Variants in SLITRK3 observed in about 807,000 individuals in gnomAD.
The protein encoded by SLITRK3 is SLIT and NTRK like family member 3.
SLITRK3 carries 16 observed loss-of-function variants against 63.6 expected under a neutral mutation model. The ratio of observed to expected loss-of-function variants is 0.25; its 90% confidence interval spans 0.17 to 0.38. SLITRK3 has a LOEUF of 0.38. Among genes scored for constraint, SLITRK3 ranks in the 10% least tolerant of loss-of-function variants. SLITRK3 has a pLI of 1.00. For missense variants in SLITRK3, 1,117 were observed against 1,181.4 expected (o/e 0.95, Z 0.80); for synonymous variants, 547 against 451.6 (o/e 1.21, Z -2.68).
At position 165,188,517 on chromosome 3, in the gene SLITRK3, C is replaced by A; in HGVS notation, c.2314G>T (p.Ala772Ser). 1 of 1,614,066 alleles carries A rather than the reference C, an allele frequency of 6.2e-7. No homozygotes were observed. Among genetic ancestry groups the A allele is most frequent in the Non-Finnish European group, 8.5e-7 (1 of 1,180,014 alleles). ...EEVAVSSAQEAGSAERGGPGT... is the reference protein window; with the variant it reads ...EEVAVSSAQESGSAERGGPGT... Reference sequence around the variant, plus strand: ...GGACCCCCACGTTCTGCACTCCCTGCTTCTTGGGCTGATGAAACAGCCACC... The same window carrying A: ...GGACCCCCACGTTCTGCACTCCCTGATTCTTGGGCTGATGAAACAGCCACC... Residue 772 changes from alanine (A) to serine (S), a missense_variant, in exon 2 of 2, where the codon GCA becomes TCA. Ala to Ser is a moderately conservative substitution (Grantham distance 99). Around this residue, in one of 4 missense-constraint regions of SLITRK3, gnomAD observed 499 missense variants for 463.6 expected, o/e 1.08. Coordinates refer to ENST00000475390, the MANE Select transcript of SLITRK3 (RefSeq NM_001318810.2).
chr3:165,196,068 T>G lies in SLITRK3; in HGVS notation c.-510A>C, dbSNP rs1322886244. The G allele has an allele frequency of 2.6e-5, 4 of 152,618 alleles. No individual in the cohort carries two copies. The highest frequency in any genetic ancestry group is 9.7e-5 in the African/African-American group (4 of 41,398). 9.5% of individuals were successfully genotyped at this position (152,618 alleles called of 1,614,324 possible). On this transcript the variant is annotated 5_prime_UTR_variant, in exon 1 of 2. An upstream start codon of the reference 5' UTR is lost. Transcript: ENST00000475390. ...AATCCCTGCCCGAGGCCTCCTTCCA[T>G]CCGAGAAGATGGAATTAGCCCTTGC... is the stretch of plus-strand genomic sequence containing the variant.
In SLITRK3 at chr3:165,190,111, A is replaced by T. The variant is rs757998983; in HGVS notation, c.720T>A (p.Ile240=). 1 of 1,614,048 alleles carries T rather than the reference A, an allele frequency of 6.2e-7. No homozygotes were observed. The highest frequency in any genetic ancestry group is 1.3e-5 in the African/African-American group (1 of 74,908). ...GTTCCAGCCAACTCTTCAGTTGTACAATTTCACATGTACAGTTCCAAGGGT... is the reference window on the plus strand; with the variant it reads ...GTTCCAGCCAACTCTTCAGTTGTACTATTTCACATGTACAGTTCCAAGGGT... ...EENPWNCTCE[I]VQLKSWLERI... Residue 240 remains isoleucine, a synonymous_variant, in exon 2 of 2, where the codon ATT becomes ATA. Transcript: ENST00000475390.
rs962138227 is a variant in SLITRK3 at position 165,187,768 on chromosome 3, T to G, written c.*129A>C. Reference sequence around the variant, plus strand: ...CTCTAGTTATCATGCGGTTTTAGTTTTGTTCAGGGTAGGAAAGATCGTGAG... The same window carrying G: ...CTCTAGTTATCATGCGGTTTTAGTTGTGTTCAGGGTAGGAAAGATCGTGAG... On this transcript the variant is annotated 3_prime_UTR_variant, in exon 2 of 2. Coordinates refer to ENST00000475390, the MANE Select transcript of SLITRK3 (RefSeq NM_001318810.2). 5.5e-6 allele frequency: 4 copies of G among 731,690 alleles called. No homozygotes were observed. Among genetic ancestry groups the G allele is most frequent in the Non-Finnish European group, 8.8e-6 (4 of 453,534 alleles). 45.3% of individuals were successfully genotyped at this position (731,690 alleles called of 1,614,324 possible).
Position 165,189,494 on chromosome 3 carries a change from T to A in SLITRK3, c.1337A>T (p.Tyr446Phe). The change falls in exon 2 of 2, where the codon TAT becomes TTT. Residue 446 changes from tyrosine to phenylalanine, a missense_variant. Tyr to Phe is a conservative substitution (Grantham distance 22, BLOSUM62 3). Transcript: ENST00000475390. This position sits in a 1 kb window ranked among gnomAD's most constrained non-coding sequence, Gnocchi z 4.0. ...LLHLGNNRIS[Y>F]VQDGAFINLP... The stretch of plus-strand genomic sequence containing the variant: ...GTTGATAAAGGCCCCATCTTGGACA[T>A]AGGAAATACGATTGTTCCCCAGATG... The A allele has an allele frequency of 6.2e-7, 1 of 1,613,748 alleles. No homozygotes were observed. Among genetic ancestry groups the A allele is most frequent in the East Asian group, 2.2e-5 (1 of 44,876 alleles).
chr3:165,196,970 C>A, upstream of SLITRK3: 1 of 151,526 alleles, frequency 6.6e-6, no homozygotes, highest in Non-Finnish European at 1.5e-5. Context: ...CTCGCTCTCG[C>A]TCTCGCTCTC....
chr3:165,196,854 G>C (rs919907925), upstream of SLITRK3: 5 of 135,306 alleles, frequency 3.7e-5, no homozygotes, highest in Non-Finnish European at 6.4e-5. Flanking sequence ...TCCCGGCTTA[G>C]GAAGCAAGGA....
rs1718055891 is a variant in SLITRK3, at chr3:165,188,617, A to G, written c.2214T>C (p.His738=). 6.2e-7 allele frequency: 1 copy of G among 1,613,726 alleles called. No homozygotes were observed. Among genetic ancestry groups the G allele is most frequent in the Non-Finnish European group, 8.5e-7 (1 of 1,179,926 alleles). ...SSPEKAPPVG[H]VYEYIPHPVT... Reference sequence around the variant, plus strand: ...CCGGGTGGGGGATGTACTCATACACATGACCCACGGGAGGGGCCTTCTCTG... The same window carrying G: ...CCGGGTGGGGGATGTACTCATACACGTGACCCACGGGAGGGGCCTTCTCTG... The change falls in exon 2 of 2, where the codon CAT becomes CAC. Residue 738 remains histidine (H), a synonymous_variant. Coordinates refer to ENST00000475390, the MANE Select transcript of SLITRK3 (RefSeq NM_001318810.2).
chr3:165,189,703 C>T lies in SLITRK3; in HGVS notation c.1128G>A (p.Gly376=). The T allele has an allele frequency of 6.2e-7, 1 of 1,614,090 alleles. No homozygotes were observed. Among genetic ancestry groups the T allele is most frequent in the Non-Finnish European group, 8.5e-7 (1 of 1,180,018 alleles). ...RPPIPIICPT[G]CTCNLHINDL... ...CATTGATGTGCAAATTACAGGTACA[C>T]CCAGTGGGGCATATAATGGGGATTG... The change falls in exon 2 of 2, where the codon GGG becomes GGA. Residue 376 remains glycine, a synonymous_variant. Transcript: ENST00000475390. This position sits in a 1 kb window ranked among gnomAD's most constrained non-coding sequence, Gnocchi z 4.0.
In SLITRK3 at chr3:165,189,741, G is replaced by C; in HGVS notation, c.1090C>G (p.Gln364Glu). The C allele has an allele frequency of 6.2e-7, 1 of 1,614,184 alleles. No homozygotes were observed. The highest frequency in any genetic ancestry group is 8.5e-7 in the Non-Finnish European group (1 of 1,180,026). Reference protein sequence around the residue: ...GPNQPPIAPYQTRPPIPIICP... With the variant: ...GPNQPPIAPYETRPPIPIICP... ...ATAATGGGGATTGGTGGTCTGGTCT[G>C]ATAAGGAGCAATGGGAGGCTGGTTT... The change falls in exon 2 of 2, where the codon CAG (glutamine) becomes GAG (glutamate). Residue 364 changes from glutamine to glutamate, a missense_variant. Coordinates refer to ENST00000475390, the MANE Select transcript of SLITRK3 (RefSeq NM_001318810.2). The surrounding 1 kb of genome is among the most constrained non-coding windows in gnomAD (Gnocchi z 4.0).
Position 165,188,385 on chromosome 3 carries a change from T to C in SLITRK3, c.2446A>G (p.Lys816Glu), listed in dbSNP as rs761585069. 5.6e-6 allele frequency: 9 copies of C among 1,613,852 alleles called. No individual in the cohort carries two copies. The South Asian group carries it at 9.9e-5, about 18-fold the overall frequency. ...SNYRTLLEKEKEWALAVSSSQ... is the reference protein window; with the variant it reads ...SNYRTLLEKEEEWALAVSSSQ... ...CTGGACACTGCTAGGGCCCACTCCT[T>C]CTCTTTTTCCAGCAAGGTCCGGTAG... Residue 816 changes from lysine (K) to glutamate (E), a missense_variant, in exon 2 of 2, where the codon AAG (lysine) becomes GAG (glutamate). Physicochemically the swap from Lys to Glu is moderately conservative, Grantham distance 56. Around this residue, in one of 4 missense-constraint regions of SLITRK3, gnomAD observed 499 missense variants for 463.6 expected, o/e 1.08. Transcript: ENST00000475390.
Position 165,188,672 on chromosome 3 carries a change from C to G in SLITRK3, c.2159G>C (p.Gly720Ala). The change falls in exon 2 of 2, where the codon GGG (glycine) becomes GCG (alanine). Residue 720 changes from glycine to alanine, a missense_variant. Coordinates refer to ENST00000475390, the MANE Select transcript of SLITRK3 (RefSeq NM_001318810.2). ...EDGGGGGGGS[G>A]GGGRPTLSSP... ...GGAAAGAGTTGGTCGACCACCACCC[C>G]CACTTCCGCCACCACCACCTCCACC... The G allele has an allele frequency of 6.2e-7, 1 of 1,614,038 alleles. No individual in the cohort carries two copies. Among genetic ancestry groups the G allele is most frequent in the Non-Finnish European group, 8.5e-7 (1 of 1,180,008 alleles).
Position 165,189,281 on chromosome 3 carries a change from C to G in SLITRK3, c.1550G>C (p.Arg517Thr), listed in dbSNP as rs1242683044. ...KLLFLNNNLL[R>T]TLPTDAFAGT... ...AGCAAAGGCGTCTGTTGGCAGAGTC[C>G]TCAGTAAGTTATTATTGAGGAATAG... Residue 517 changes from arginine (R) to threonine (T), a missense_variant, in exon 2 of 2, where the codon AGG (arginine) becomes ACG (threonine). Physicochemically the swap from Arg to Thr is moderately conservative, Grantham distance 71. Transcript: ENST00000475390. The surrounding 1 kb of genome is among the most constrained non-coding windows in gnomAD (Gnocchi z 4.0). The G allele has an allele frequency of 3.7e-6, 6 of 1,614,192 alleles. No homozygotes were observed. The South Asian group carries it at 6.6e-5, about 18-fold the overall frequency.
intron 1 of SLITRK3, among the ~76,000 whole-genome samples, chr3:165,193,494 G>C (rs1411265554): frequency 1.3e-5 from 2 of 149,176 alleles, no homozygotes; most frequent in African/African-American, 2.4e-5. Flanking sequence ...AAGCAGAAAA[G>C]CTGAATCTGT....
chr3:165,189,777 A>G lies in SLITRK3; in HGVS notation c.1054T>C (p.Tyr352His). The G allele has an allele frequency of 6.2e-7, 1 of 1,614,150 alleles. No homozygotes were observed. ...ATGGGAGGCTGGTTTGGACCAGGAT[A>G]TAAAGCTTGGGAGGTGGAGGGTGGC... ...PRPPSTSQAL[Y>H]PGPNQPPIAP... The change falls in exon 2 of 2, where the codon TAT becomes CAT. Residue 352 changes from tyrosine to histidine, a missense_variant. Transcript: ENST00000475390. The surrounding 1 kb of genome is among the most constrained non-coding windows in gnomAD (Gnocchi z 4.0).
At chr3:165,191,772 C>G (rs781634968) in intron 1 of SLITRK3, among the ~76,000 whole-genome samples, 14 of 152,110 alleles carry the variant, frequency 9.2e-5, no homozygotes, top group Non-Finnish European at 1.8e-4. Context: ...CTGTAAAAAG[C>G]TGGAAGAGCA....
rs774789213 is a variant in SLITRK3, at chr3:165,188,577, T to C, written c.2254A>G (p.Asn752Asp). Reference protein sequence around the residue: ...YIPHPVTQMCNNPIYKPREEE... With the variant: ...YIPHPVTQMCDNPIYKPREEE... ...TCACGAGGCTTGTAGATGGGGTTGT[T>C]GCACATTTGGGTAACCGGGTGGGGG... is the stretch of plus-strand genomic sequence containing the variant. The change falls in exon 2 of 2, where the codon AAC (asparagine) becomes GAC (aspartate). Residue 752 changes from asparagine (N) to aspartate (D), a missense_variant. Physicochemically the swap from Asn to Asp is conservative, Grantham distance 23. Coordinates refer to ENST00000475390, the MANE Select transcript of SLITRK3 (RefSeq NM_001318810.2). The C allele has an allele frequency of 6.2e-7, 1 of 1,614,054 alleles. No individual in the cohort carries two copies. The highest frequency in any genetic ancestry group is 2.2e-5 in the East Asian group (1 of 44,852).
rs751536112 is a variant in SLITRK3 at position 165,189,396 on chromosome 3, G to A, written c.1435C>T (p.Leu479=). 15 of 1,613,656 alleles carry A rather than the reference G, an allele frequency of 9.3e-6. No individual in the cohort carries two copies. The East Asian group carries it at 2.7e-4, about 29-fold the overall frequency. ...AAGTACAAGTAGTGCAAACTCTGTA[G>A]GCCTCGGAACATGCCTGGTGTCAGC... is the stretch of plus-strand genomic sequence containing the variant. ...EKLTPGMFRG[L]QSLHYLYFEF... is the part of the protein sequence containing the mutation. The change falls in exon 2 of 2, where the codon CTA becomes TTA. Residue 479 remains leucine (L), a synonymous_variant. Coordinates refer to ENST00000475390, the MANE Select transcript of SLITRK3 (RefSeq NM_001318810.2). The surrounding 1 kb of genome is among the most constrained non-coding windows in gnomAD (Gnocchi z 4.0).
rs199683906 is a variant in SLITRK3, at chr3:165,188,907, A to C, written c.1924T>G (p.Tyr642Asp). The change falls in exon 2 of 2, where the codon TAT becomes GAT. Residue 642 changes from tyrosine to aspartate, a missense_variant. Physicochemically the swap from Tyr to Asp is radical, Grantham distance 160. This residue lies in a region of SLITRK3 where 499 missense variants were observed against 463.6 expected (regional missense o/e 1.08). Coordinates refer to ENST00000475390, the MANE Select transcript of SLITRK3 (RefSeq NM_001318810.2). ...GGGCCCCCAGGAGGAGAAAACTCAT[A>C]AGGTGATGCACTGGTTGGTGCCCCA... is the stretch of plus-strand genomic sequence containing the variant. ...LIGAPTSASPYEFSPPGGPVP... is the reference protein window; with the variant it reads ...LIGAPTSASPDEFSPPGGPVP... 10 of 1,614,146 alleles carry C rather than the reference A, an allele frequency of 6.2e-6. No homozygotes were observed. The highest frequency in any genetic ancestry group is 1.6e-4 in the Middle Eastern group (1 of 6,062).
Position 165,187,507 on chromosome 3 carries a change from TA to T in SLITRK3, c.*389del, listed in dbSNP as rs961571041. 1.3e-4 allele frequency: 21 copies of T among 160,568 alleles called. No homozygotes were observed. The highest frequency in any genetic ancestry group is 3.6e-4 in the East Asian group (2 of 5,480). The allele number at this position is 160,568 out of a possible 1,614,324, so 9.9% of individuals were successfully genotyped here. ...CCCCTTTAAATCAAAACTACAACTA[TA>T]AAAAAAATAGTTACTGAAAATAAAA... On this transcript the variant is annotated 3_prime_UTR_variant, in exon 2 of 2. Transcript: ENST00000475390.
Sources: gnomAD v4.1 joint callset for allele counts (sites outside exome capture counted in the v4.1 genomes callset) on GRCh38, gnomAD v4.1.1 for gene constraint, gnomAD v4.1.1 regional missense constraint, Gnocchi (gnomAD v3.1) non-coding constraint, MANE v1.5 for transcripts, NCBI Gene and HGNC (gene_info 2026-07-23, HGNC 2026-07-21) for gene names.